PCDHGA2: variants seen among roughly 807,000 people sequenced by gnomAD.
The protein encoded by PCDHGA2 is protocadherin gamma subfamily A, 2.
A neutral mutation model predicts 59.2 loss-of-function variants in PCDHGA2; 40 were observed. The ratio of observed to expected loss-of-function variants is 0.68; its 90% confidence interval spans 0.52 to 0.88. PCDHGA2 has a LOEUF of 0.88. Among genes scored for constraint, PCDHGA2 ranks in the 40% least tolerant of loss-of-function variants. PCDHGA2 has a pLI of 0.00. For synonymous variants in PCDHGA2, 560 were observed against 526.0 expected, an observed-to-expected ratio of 1.06 and a Z score of -0.89; for missense variants, 1,226 against 1,204.0, an observed-to-expected ratio of 1.02 and a Z score of -0.27.
chr5:141,393,498 C>T lies in PCDHGA2; in HGVS notation c.2424+52103C>T, dbSNP rs780199451. The T allele has an allele frequency of 3.1e-6, 5 of 1,613,952 alleles. No homozygotes were observed. The highest frequency in any genetic ancestry group is 1.6e-4 in the Middle Eastern group (1 of 6,084). ...GCCTCGCTCTAGCACAGTGCGCATC[C>T]ACGTGACAGTGTTGGATACAAATGA... On this transcript the variant is annotated intron_variant, in intron 1 of 3. Transcript: ENST00000394576.
At position 141,491,121 on chromosome 5, in the gene PCDHGA2, G is replaced by T. The variant is rs1176877834; in HGVS notation, c.2425-3686G>T. On this transcript the variant is annotated intron_variant, in intron 1 of 3. Transcript: ENST00000394576. The surrounding 1 kb of genome is among the most constrained non-coding windows in gnomAD (Gnocchi z 6.9). ...TCCTCGTGTCTACACACACTGGTGA[G>T]GTGCGCACAGCCCGGGCCTTACTGG... 5 of 1,614,200 alleles carry T rather than the reference G, an allele frequency of 3.1e-6. No individual in the cohort carries two copies. In the South Asian group the frequency reaches 5.5e-5, roughly 18 times the overall value.
chr5:141,416,308 T>C (rs1472911605), intron 1 of PCDHGA2: 1 of 152,266 alleles, frequency 6.6e-6, no homozygotes, highest in East Asian at 1.9e-4. Context: ...ATGTGGAAGA[T>C]ATAGCATTTT....
At chr5:141,508,242 GC>G (rs1344624071) in intron 3 of PCDHGA2, 1 of 152,310 alleles carries the variant, frequency 6.6e-6, no homozygotes, top group African/African-American at 2.4e-5. Context: ...TCCTAAGTCT[GC>G]CTCTCCTGGG....
chr5:141,430,655 G>C (rs1309165721), intron 1 of PCDHGA2: 2 of 1,085,056 alleles, frequency 1.8e-6, no homozygotes, highest in Non-Finnish European at 2.6e-6. Flanking sequence ...TGGAAACAAC[G>C]GAGGAGCTCT....
At position 141,486,960 on chromosome 5, in the gene PCDHGA2, T is replaced by C; in HGVS notation, c.2425-7847T>C. On this transcript the variant is annotated intron_variant, in intron 1 of 3. Transcript: ENST00000394576. The surrounding 1 kb of genome is among the most constrained non-coding windows in gnomAD (Gnocchi z 5.0). Reference sequence around the variant, plus strand: ...CACCTAATCACAAAGGTGACTGCTGTGGACTTGGATTCAGGTTACAATGCT... The same window carrying C: ...CACCTAATCACAAAGGTGACTGCTGCGGACTTGGATTCAGGTTACAATGCT... The C allele has an allele frequency of 6.2e-7, 1 of 1,614,228 alleles. No individual in the cohort carries two copies. Among genetic ancestry groups the C allele is most frequent in the Non-Finnish European group, 8.5e-7 (1 of 1,180,034 alleles).
At position 141,431,034 on chromosome 5, in the gene PCDHGA2, G is replaced by C. The variant is rs372312860; in HGVS notation, c.2425-63773G>C. 2.5e-6 allele frequency: 4 copies of C among 1,613,992 alleles called. No homozygotes were observed. The highest frequency in any genetic ancestry group is 2.7e-5 in the African/African-American group (2 of 74,938). On this transcript the variant is annotated intron_variant, in intron 1 of 3. Coordinates refer to ENST00000394576, the MANE Select transcript of PCDHGA2 (RefSeq NM_018915.4). The surrounding 1 kb of genome is among the most constrained non-coding windows in gnomAD (Gnocchi z 4.8). ...TTGGTCACGGCGGGCAGGATAGACC[G>C]GGAGGAGCTCTGTATGGGGGCCATC...
chr5:141,403,490 C>T, intron 1 of PCDHGA2: 1 of 1,614,044 alleles, frequency 6.2e-7, no homozygotes, highest in South Asian at 1.1e-5. Flanking sequence ...CCACTTCTCC[C>T]TGAACGTGCA....
chr5:141,351,439 C>T (rs1588487704), intron 1 of PCDHGA2: 1 of 1,612,428 alleles, frequency 6.2e-7, no homozygotes, highest in East Asian at 2.2e-5. Flanking sequence ...TAGAATCCAC[C>T]TCGAAGAATT....
chr5:141,490,874 A>C lies in PCDHGA2; in HGVS notation c.2425-3933A>C. 1 of 1,613,948 alleles carries C rather than the reference A, an allele frequency of 6.2e-7. No homozygotes were observed. The highest frequency in any genetic ancestry group is 1.3e-5 in the African/African-American group (1 of 75,054). The stretch of plus-strand genomic sequence containing the variant: ...CGAGACTCCGGCTCTCCCCCATTGC[A>C]TGCCAACACATCTCTGCATGTGTTT... On this transcript the variant is annotated intron_variant, in intron 1 of 3. Coordinates refer to ENST00000394576, the MANE Select transcript of PCDHGA2 (RefSeq NM_018915.4). The surrounding 1 kb of genome is among the most constrained non-coding windows in gnomAD (Gnocchi z 5.4).
Position 141,339,878 on chromosome 5 carries a change from A to G in PCDHGA2, c.907A>G (p.Ile303Val), listed in dbSNP as rs2149722403. 13 of 1,614,170 alleles carry G rather than the reference A, an allele frequency of 8.1e-6. No individual in the cohort carries two copies. The highest frequency in any genetic ancestry group is 6.7e-5 in the East Asian group (3 of 44,890). Reference protein sequence around the residue: ...ELKSTSGELTIIKDLDYEDAT... With the variant: ...ELKSTSGELTVIKDLDYEDAT... ...TAAGTCAACATCTGGAGAACTGACA[A>G]TCATAAAAGATCTAGATTATGAGGA... Residue 303 changes from isoleucine to valine, a missense_variant, in exon 1 of 4, where the codon ATC becomes GTC. Physicochemically the swap from Ile to Val is conservative, Grantham distance 29 (BLOSUM62 3). Coordinates refer to ENST00000394576, the MANE Select transcript of PCDHGA2 (RefSeq NM_018915.4).
intron 3 of PCDHGA2, among the ~76,000 whole-genome samples, chr5:141,505,729 G>A (rs1026403192): frequency 7.9e-5 from 12 of 152,286 alleles, no homozygotes; most frequent in African/African-American, 2.9e-4. Flanking sequence ...AGGGAATAGT[G>A]GTTACAAGTC....
At chr5:141,380,965 A>G (rs575114972) in intron 1 of PCDHGA2, among the ~76,000 whole-genome samples, 2 of 152,370 alleles carry the variant, frequency 1.3e-5, no homozygotes, top group Admixed American at 1.3e-4. Context: ...CAAAAGTACT[A>G]TTAAACAAAT....
Position 141,339,939 on chromosome 5 carries a change from A to G in PCDHGA2, c.968A>G (p.Asp323Gly), listed in dbSNP as rs1212184967. 1.2e-6 allele frequency: 2 copies of G among 1,614,060 alleles called. No homozygotes were observed. Among genetic ancestry groups the G allele is most frequent in the African/African-American group, 2.7e-5 (2 of 74,936 alleles). Reference protein sequence around the residue: ...TFHEIDIEAQDGPGLLTRAKV... With the variant: ...TFHEIDIEAQGGPGLLTRAKV... ...CATGAAATTGATATTGAAGCTCAGG[A>G]TGGTCCGGGCCTTCTAACCAGAGCG... Residue 323 changes from aspartate to glycine, a missense_variant, in exon 1 of 4, where the codon GAT (aspartate) becomes GGT (glycine). Asp to Gly is a moderately conservative substitution (Grantham distance 94, BLOSUM62 -1). Transcript: ENST00000394576.
rs200356364 is a variant in PCDHGA2, at chr5:141,470,128, C to CA, written c.2425-24670dup. On this transcript the variant is annotated intron_variant, in intron 1 of 3. Transcript: ENST00000394576. ...TGAGCAACAGAGCAAGACTTCGTCT[C>CA]AAAAAAAAAGATCATAGATCATCTT... 4.0e-3 allele frequency among the ~76,000 whole-genome samples: 596 copies of CA among 150,150 alleles called. 6 individuals are homozygous for CA. The highest frequency in any genetic ancestry group is 0.011 in the Admixed American group (171 of 15,136).
At chr5:141,508,756 C>A (rs890362975) in intron 3 of PCDHGA2, among the ~76,000 whole-genome samples, 2 of 151,904 alleles carry the variant, frequency 1.3e-5, no homozygotes, top group African/African-American at 4.8e-5. Flanking sequence ...CTTTCTCTGG[C>A]GCCTCTGAGG....
rs774151451 is a variant in PCDHGA2 at position 141,374,148 on chromosome 5, C to A, written c.2424+32753C>A. On this transcript the variant is annotated intron_variant, in intron 1 of 3. Coordinates refer to ENST00000394576, the MANE Select transcript of PCDHGA2 (RefSeq NM_018915.4). The stretch of plus-strand genomic sequence containing the variant: ...GTCCTGCTCCTCACGCTCCTGGGGA[C>A]GCTGTGGGGGGCCGCGGCAGCGCAG... 1.2e-6 allele frequency: 2 copies of A among 1,611,000 alleles called. No individual in the cohort carries two copies. Among genetic ancestry groups the A allele is most frequent in the African/African-American group, 2.7e-5 (2 of 74,910 alleles).
intron 1 of PCDHGA2, chr5:141,370,780 A>T (rs1185164104): frequency 6.2e-7 from 1 of 1,613,990 alleles, no homozygotes; most frequent in Non-Finnish European, 8.5e-7. Context: ...ATTAACGACA[A>T]CCCACCGACC....
chr5:141,490,417 C>A lies in PCDHGA2; in HGVS notation c.2425-4390C>A, dbSNP rs767996336. ...AGTGAGCCTTGATATCTCTCCGGAC[C>A]TGCCATTTCAGATTAAGCCTTCTGA... On this transcript the variant is annotated intron_variant, in intron 1 of 3. Transcript: ENST00000394576. The surrounding 1 kb of genome is among the most constrained non-coding windows in gnomAD (Gnocchi z 5.4). 4.3e-6 allele frequency: 7 copies of A among 1,614,196 alleles called. No homozygotes were observed. In the South Asian group the frequency reaches 7.7e-5, roughly 18 times the overall value.
intron 1 of PCDHGA2, chr5:141,378,924 G>T (rs1426450881): frequency 6.6e-6 from 1 of 152,202 alleles, no homozygotes; most frequent in Non-Finnish European, 1.5e-5. Flanking sequence ...TCAAAAGTAA[G>T]TTGATGGCCC....
Sources: gnomAD v4.1 joint callset for allele counts (sites outside exome capture counted in the v4.1 genomes callset) on GRCh38, gnomAD v4.1.1 for gene constraint, Gnocchi (gnomAD v3.1) non-coding constraint, MANE v1.5 for transcripts, NCBI Gene and HGNC (gene_info 2026-07-23, HGNC 2026-07-21) for gene names.